Variants in MKRN1 observed in about 807,000 individuals in gnomAD.
MKRN1 encodes the protein E3 ubiquitin-protein ligase makorin-1.
A neutral mutation model predicts 55.5 loss-of-function variants in MKRN1; 9 were observed. The ratio of observed to expected loss-of-function variants is 0.16; its 90% confidence interval spans 0.10 to 0.28. The LOEUF (loss-of-function observed/expected upper bound fraction) is 0.28. MKRN1 is among the 10% of genes least tolerant of loss of function. MKRN1 has a pLI of 1.00. For synonymous variants in MKRN1, 253 were observed against 235.9 expected (o/e 1.07, Z -0.66); for missense variants, 488 against 626.7 (o/e 0.78, Z 2.36).
At chr7:140,470,590 AAAAC>A (rs1794896451) in intron 2 of MKRN1, among the ~76,000 whole-genome samples, 2 of 151,668 alleles carry the variant, frequency 1.3e-5, no homozygotes, top group South Asian at 4.2e-4. Context: ...CATCCTAAAC[AAAAC>A]AAACAAAAAA....
chr7:140,462,368 T>G (rs1284911496), intron 2 of MKRN1, among the ~76,000 whole-genome samples: 1 of 152,210 alleles, frequency 6.6e-6, no homozygotes, highest in African/African-American at 2.4e-5. Flanking sequence ...ATATAGTAAA[T>G]TTAACTGTGC....
At chr7:140,476,546 T>G (rs1361079403) in intron 1 of MKRN1, among the ~76,000 whole-genome samples, 1 of 78,824 alleles carries the variant, frequency 1.3e-5, no homozygotes, top group Admixed American at 1.1e-4. Flanking sequence ...ACAAGTTTTG[T>G]TTTTTTTTTT....
chr7:140,455,745 G>T, intron 6 of MKRN1, 45 bp downstream of exon 6: 2 of 1,462,268 alleles, frequency 1.4e-6, no homozygotes, highest in Non-Finnish European at 9.6e-7. Context: ...GTGAACCCAA[G>T]CTCTGTTGGG....
intron 2 of MKRN1, among the ~76,000 whole-genome samples, chr7:140,461,468 T>C (rs1445596276): frequency 1.3e-5 from 2 of 151,986 alleles, no homozygotes; most frequent in Non-Finnish European, 2.9e-5. Flanking sequence ...ACCTGGTCTC[T>C]ACTAAAAATA....
intron 4 of MKRN1, among the ~76,000 whole-genome samples, chr7:140,458,688 G>C (rs2130257854): frequency 6.6e-6 from 1 of 152,296 alleles, no homozygotes; most frequent in South Asian, 2.1e-4. Flanking sequence ...AAAAATGTTA[G>C]AAGTCTATAG....
rs1794547728 is a variant in MKRN1, at chr7:140,459,155, T to A, written c.623A>T (p.Glu208Val). 1 of 1,613,830 alleles carries A rather than the reference T, an allele frequency of 6.2e-7. No individual in the cohort carries two copies. The highest frequency in any genetic ancestry group is 1.3e-5 in the African/African-American group (1 of 74,896). ...EESEKEQTAVETKKQLCPYAA... is the reference protein window; with the variant it reads ...EESEKEQTAVVTKKQLCPYAA... ...ATAGGGGCACAGCTGCTTCTTTGTCTCCACGGCGGTTTGCTCTTTCTCTGA... is the reference window on the plus strand; with the variant it reads ...ATAGGGGCACAGCTGCTTCTTTGTCACCACGGCGGTTTGCTCTTTCTCTGA... The change falls in exon 4 of 8, where the codon GAG becomes GTG. Residue 208 changes from glutamate (E) to valine (V), a missense_variant. This residue lies in a region of MKRN1 where 278 missense variants were observed against 406.7 expected (regional missense o/e 0.68). Transcript: ENST00000255977.
At chr7:140,458,019 A>G (rs757741046) in intron 4 of MKRN1, among the ~76,000 whole-genome samples, 1 of 152,212 alleles carries the variant, frequency 6.6e-6, no homozygotes, top group Non-Finnish European at 1.5e-5. Flanking sequence ...CAATAAAGTT[A>G]AAGTTTCTAA....
chr7:140,468,765 T>C (rs1328964991), intron 2 of MKRN1, among the ~76,000 whole-genome samples: 1 of 149,518 alleles, frequency 6.7e-6, no homozygotes, highest in African/African-American at 2.5e-5. Context: ...TGTCATTGTG[T>C]CATTTTCCCC....
chr7:140,456,418 A>C, intron 5 of MKRN1: 1 of 1,366,206 alleles, frequency 7.3e-7, no homozygotes, highest in Non-Finnish European at 9.4e-7. Context: ...TCTCCTCAGA[A>C]AAAGCACGAA....
At chr7:140,472,346 C>T (rs4726816) in intron 1 of MKRN1, 222,203 of 252,594 alleles carry the variant, frequency 0.88, 98,009 homozygotes, top group South Asian at 0.94. Context: ...GGCAGGAGAA[C>T]TGCTTACACG....
In MKRN1 at chr7:140,465,648, T is replaced by C. The variant is rs116168613; in HGVS notation, c.315-5712A>G. ...CCTCACTAAACAAAAGCACCACCAT[T>C]ACGAAACACTGATGCAGAAAATCCT... is the stretch of plus-strand genomic sequence containing the variant. On this transcript the variant is annotated intron_variant, in intron 2 of 7. Coordinates refer to ENST00000255977, the MANE Select transcript of MKRN1 (RefSeq NM_013446.4). Among the ~76,000 whole-genome samples the C allele has an allele frequency of 2.5e-3, 375 of 152,174 alleles. 2 individuals carry two copies. The highest frequency in any genetic ancestry group is 8.6e-3 in the African/African-American group (356 of 41,524).
intron 1 of MKRN1, chr7:140,478,065 CA>C (rs1335439380): frequency 3.9e-5 from 6 of 152,202 alleles, no homozygotes; most frequent in African/African-American, 1.4e-4. Flanking sequence ...TGTATCACAT[CA>C]AAGACTGGGA....
intron 4 of MKRN1, among the ~76,000 whole-genome samples, chr7:140,458,145 G>T (rs1277519618): frequency 1.3e-5 from 2 of 152,152 alleles, no homozygotes; most frequent in Admixed American, 1.3e-4. Flanking sequence ...GAGTTCCTAT[G>T]TAACCCAGCA....
In MKRN1 at chr7:140,479,256, G is replaced by T. The variant is rs200911173; in HGVS notation, c.89C>A (p.Pro30Gln). 5.4e-4 allele frequency: 763 copies of T among 1,406,398 alleles called. 1 individual carries two copies. In the East Asian group the frequency reaches 0.013, roughly 25 times the overall value. The allele number at this position is 1,406,398 out of a possible 1,614,324, so 87.1% of individuals were successfully genotyped here. A position where few individuals can be genotyped will look rare whatever the true frequency, so the allele number is the denominator to read the frequency against. The change falls in exon 1 of 8, where the codon CCG (proline) becomes CAG (glutamine). Residue 30 changes from proline (P) to glutamine (Q), a missense_variant. Physicochemically the swap from Pro to Gln is moderately conservative, Grantham distance 76. Transcript: ENST00000255977. ...GGACGGGGCGGTGACTGTGGGGATC[G>T]GGGTGGGGGAGGCTGCTGCCGCCGT... ...AATAAAASPT[P>Q]IPTVTAPSLG...
At chr7:140,479,089 T>C in intron 1 of MKRN1, 71 bp downstream of exon 1, 1 of 1,248,916 alleles carries the variant, frequency 8.0e-7, no homozygotes. Flanking sequence ...GCCGCCCTCC[T>C]CCCTCCCGCG....
chr7:140,461,502 G>A (rs540729256), intron 2 of MKRN1, among the ~76,000 whole-genome samples: 32 of 152,088 alleles, frequency 2.1e-4, no homozygotes, highest in South Asian at 1.2e-3. Flanking sequence ...GCATGGTGGC[G>A]CACACCTGTA....
chr7:140,455,657 CAAAAT>C, intron 6 of MKRN1, 128 bp downstream of exon 6: 1 of 690,384 alleles, frequency 1.4e-6, no homozygotes, highest in Non-Finnish European at 2.5e-6. Flanking sequence ...ATCAGGGTGA[CAAAAT>C]AAACTGTCCT....
intron 7 of MKRN1, 29 bp from the exon 8 acceptor site, chr7:140,454,758 G>A (rs569226868): frequency 8.7e-6 from 14 of 1,601,410 alleles, no homozygotes; most frequent in Non-Finnish European, 1.2e-5. Flanking sequence ...TGATAGGGAT[G>A]GCACTGTCGA....
At chr7:140,470,554 C>T (rs1245801317) in intron 2 of MKRN1, among the ~76,000 whole-genome samples, 1 of 151,994 alleles carries the variant, frequency 6.6e-6, no homozygotes, top group Non-Finnish European at 1.5e-5. Context: ...CACTGCACTC[C>T]AGCCTGGGCG....
Sources: gnomAD v4.1 joint callset for allele counts (sites outside exome capture counted in the v4.1 genomes callset) on GRCh38, gnomAD v4.1.1 for gene constraint, gnomAD v4.1.1 regional missense constraint, MANE v1.5 for transcripts, NCBI Gene and HGNC (gene_info 2026-07-23, HGNC 2026-07-21) for gene names.